Variants in C9orf153 observed in about 807,000 individuals in gnomAD.
C9orf153 encodes chromosome 9 open reading frame 153, also known as uncharacterized protein C9orf153.
Under a neutral mutation model 9.0 loss-of-function variants are expected in C9orf153, and 10 were observed. That is an observed-to-expected ratio of 1.11 (90% CI 0.69 to 1.89). The LOEUF is 1.89. C9orf153 is among the 40% of genes most tolerant of loss of function. The pLI is 0.00. For missense variants in C9orf153, 108 were observed against 111.0 expected, an observed-to-expected ratio of 0.97 and a Z score of 0.12; for synonymous variants, 35 against 37.3, an observed-to-expected ratio of 0.94 and a Z score of 0.23.
chr9:86,252,780 T>A (rs1825025404), intron 1 of C9orf153, among the ~76,000 whole-genome samples: 1 of 152,226 alleles, frequency 6.6e-6, no homozygotes, highest in Non-Finnish European at 1.5e-5. Context: ...AGGTTCCTGA[T>A]AACTTTAGAG....
chr9:86,249,158 A>G (rs1587809369), intron 1 of C9orf153, among the ~76,000 whole-genome samples: 1 of 152,236 alleles, frequency 6.6e-6, no homozygotes, highest in African/African-American at 2.4e-5. Context: ...CTATGGCAGG[A>G]TGAAAATGCA....
intron 1 of C9orf153, among the ~76,000 whole-genome samples, chr9:86,248,416 G>C (rs768669153): frequency 2.0e-5 from 3 of 152,224 alleles, no homozygotes; most frequent in Non-Finnish European, 4.4e-5. Context: ...TTACAGGCGT[G>C]AGCCACCGTG....
intron 1 of C9orf153, among the ~76,000 whole-genome samples, chr9:86,250,395 T>C (rs1824968997): frequency 6.6e-6 from 1 of 152,022 alleles, no homozygotes; most frequent in Non-Finnish European, 1.5e-5. Context: ...AGATAGCACA[T>C]GGGAAAGGTC....
At chr9:86,224,932 C>T (rs1679854747) in intron 3 of C9orf153, among the ~76,000 whole-genome samples, 1 of 127,856 alleles carries the variant, frequency 7.8e-6, no homozygotes, top group African/African-American at 3.0e-5. Flanking sequence ...CAGAGCGAGA[C>T]TCCGTCTCAA....
chr9:86,230,277 A>G (rs1382064232), intron 1 of C9orf153, among the ~76,000 whole-genome samples: 9 of 152,300 alleles, frequency 5.9e-5, no homozygotes, highest in Non-Finnish European at 1.5e-5. Context: ...AACAAATCCT[A>G]TATGGATGGT....
rs1252569406 is a variant in C9orf153, at chr9:86,240,709, T to TTC, written c.-26-11081_-26-11080insGA. Reference sequence around the variant, plus strand: ...GCTTTTCTTTTCTTTTTCTTTTTCTTTTTTTTTTTTTTTTTTTGAGATGGA... The same window carrying TTC: ...GCTTTTCTTTTCTTTTTCTTTTTCTTTCTTTTTTTTTTTTTTTTTGAGATGGA... On this transcript the variant is annotated intron_variant, in intron 1 of 3. Transcript: ENST00000339137. Among the ~76,000 whole-genome samples the TTC allele has an allele frequency of 1.3e-4, 4 of 29,698 alleles. No individual in the cohort carries two copies. In the African/African-American group the frequency reaches 1.7e-3, roughly 13 times the overall value. 19.5% of individuals were successfully genotyped at this position (29,698 alleles called of 152,430 possible).
At chr9:86,251,172 T>C (rs978046124) in intron 1 of C9orf153, among the ~76,000 whole-genome samples, 2 of 152,214 alleles carry the variant, frequency 1.3e-5, no homozygotes, top group Non-Finnish European at 2.9e-5. Flanking sequence ...ATAATGGATA[T>C]TCATTAACTA....
Position 86,254,527 on chromosome 9 carries a change from T to C in C9orf153, c.-27+5023A>G, listed in dbSNP as rs1825068132. On this transcript the variant is annotated intron_variant, in intron 1 of 3. Transcript: ENST00000339137. ...TTGCTTGAACACCTGATTTGAACTA[T>C]AAACCAGAAAAATCTGTCAGATTGC... Among the ~76,000 whole-genome samples the C allele has an allele frequency of 1.3e-5, 2 of 152,196 alleles. 1 individual carries two copies. Among genetic ancestry groups the C allele is most frequent in the African/African-American group, 4.8e-5 (2 of 41,442 alleles).
At chr9:86,245,622 G>T (rs1234905193) in intron 1 of C9orf153, among the ~76,000 whole-genome samples, 3 of 152,144 alleles carry the variant, frequency 2.0e-5, no homozygotes, top group Non-Finnish European at 4.4e-5. Flanking sequence ...CCATTCATCT[G>T]TGGGGAGGCG....
chr9:86,248,563 T>G (rs1037494110), intron 1 of C9orf153, among the ~76,000 whole-genome samples: 1 of 152,204 alleles, frequency 6.6e-6, no homozygotes, highest in Non-Finnish European at 1.5e-5. Flanking sequence ...TAGAGAATGT[T>G]GAATGCTGAG....
intron 1 of C9orf153, among the ~76,000 whole-genome samples, chr9:86,247,576 A>AG (rs2131200768): frequency 6.6e-6 from 1 of 152,266 alleles, no homozygotes; most frequent in South Asian, 2.1e-4. Context: ...GCTACATGTG[A>AG]GGCTAAGGTG....
rs1366346402 is a variant in C9orf153, at chr9:86,237,064, T to C, written c.-26-7435A>G. On this transcript the variant is annotated intron_variant, in intron 1 of 3. Coordinates refer to ENST00000339137, the MANE Select transcript of C9orf153 (RefSeq NM_001276366.4). ...AGAAGAAATAATTAGGAGTATTTTG[T>C]TATTATAAGGTACTCACACTGCCTG... Among the ~76,000 whole-genome samples, 4 of 152,048 alleles carry C rather than the reference T, an allele frequency of 2.6e-5. No individual in the cohort carries two copies. In the East Asian group the frequency reaches 5.8e-4, roughly 22 times the overall value.
rs553773702 is a variant in C9orf153, at chr9:86,224,710, G to A, written c.243-2977C>T. On this transcript the variant is annotated intron_variant, in intron 3 of 3. Coordinates refer to ENST00000339137, the MANE Select transcript of C9orf153 (RefSeq NM_001276366.4). ...TGGGAGGCTGAGGCAGGCGGATCAC[G>A]AGGTCAGGAGATTGAGACTATCCTG... is the stretch of plus-strand genomic sequence containing the variant. 7.3e-5 allele frequency among the ~76,000 whole-genome samples: 11 copies of A among 150,408 alleles called. No homozygotes were observed. The East Asian group carries it at 1.4e-3, about 19-fold the overall frequency.
chr9:86,247,838 C>T (rs1487374687), intron 1 of C9orf153, among the ~76,000 whole-genome samples: 3 of 152,196 alleles, frequency 2.0e-5, no homozygotes, highest in African/African-American at 4.8e-5. Flanking sequence ...AACATAGTCT[C>T]TCTTTTTTGT....
chr9:86,233,477 C>T (rs1824513741), intron 1 of C9orf153, among the ~76,000 whole-genome samples: 2 of 152,082 alleles, frequency 1.3e-5, no homozygotes, highest in Admixed American at 1.3e-4. Context: ...AGTGCAGTGG[C>T]GCAGTCTCGG....
chr9:86,254,195 T>A (rs1166657553), intron 1 of C9orf153, among the ~76,000 whole-genome samples: 1 of 152,182 alleles, frequency 6.6e-6, no homozygotes, highest in Non-Finnish European at 1.5e-5. Flanking sequence ...AAAAATTATG[T>A]TTCAGAAGAA....
At chr9:86,234,190 C>T (rs559374620) in intron 1 of C9orf153, among the ~76,000 whole-genome samples, 242 of 152,324 alleles carry the variant, frequency 1.6e-3, no homozygotes, top group Non-Finnish European at 2.6e-3. Flanking sequence ...AAATCTTCTG[C>T]GCTTCTGTGC....
At chr9:86,229,335 G>A (rs1307039816) in intron 2 of C9orf153, among the ~76,000 whole-genome samples, 6 of 151,552 alleles carry the variant, frequency 4.0e-5, no homozygotes, top group Non-Finnish European at 7.4e-5. Flanking sequence ...ACACTATCAC[G>A]AAAACAGCTC....
chr9:86,257,298 C>G (rs1187541766), intron 1 of C9orf153, among the ~76,000 whole-genome samples: 1 of 152,138 alleles, frequency 6.6e-6, no homozygotes. Context: ...TACTGGGTTC[C>G]ATGCTTTGGG....
Sources: gnomAD v4.1 joint callset for allele counts (sites outside exome capture counted in the v4.1 genomes callset) on GRCh38, gnomAD v4.1.1 for gene constraint, MANE v1.5 for transcripts, NCBI Gene and HGNC (gene_info 2026-07-23, HGNC 2026-07-21) for gene names.